The following ELOB variants were observed in gnomAD, a reference collection of about 807,000 sequenced individuals.
The protein encoded by ELOB is elongin-B.
ELOB carries 3 observed loss-of-function variants against 12.9 expected under a neutral mutation model. That is an observed-to-expected ratio of 0.23 (90% CI 0.11 to 0.60). The LOEUF is 0.60. Among genes scored for constraint, ELOB ranks in the 20% least tolerant of loss-of-function variants. The probability of loss-of-function intolerance (pLI) is 0.89; values close to 1 mark genes in which losing one functional copy is unlikely to be tolerated. For missense variants in ELOB, 126 were observed against 159.2 expected (o/e 0.79, Z 1.12); for synonymous variants, 84 against 67.4 (o/e 1.25, Z -1.21).
chr16:2,775,640 A>G lies in ELOB; in HGVS notation c.139-84T>C, dbSNP rs749061901. ...CTGACCAGCAACTACACGGGAAGTC[A>G]GAGGAGGGAAGAGAGAGTTCCCTCA... On this transcript the variant is annotated intron_variant, in intron 2 of 3. Transcript: ENST00000409906. 1.3e-5 allele frequency: 14 copies of G among 1,049,058 alleles called. No individual in the cohort carries two copies. The East Asian group carries it at 3.3e-4, about 24-fold the overall frequency. 65.0% of individuals were successfully genotyped at this position (1,049,058 alleles called of 1,614,324 possible). A position where few individuals can be genotyped will look rare whatever the true frequency, so the allele number is the denominator to read the frequency against.
Position 2,771,837 on chromosome 16 carries a change from G to A in ELOB, c.*153C>T, listed in dbSNP as rs1365100492. The A allele has an allele frequency of 1.4e-6, 2 of 1,453,348 alleles. No homozygotes were observed. The highest frequency in any genetic ancestry group is 1.5e-5 in the South Asian group (1 of 68,264). The allele number at this position is 1,453,348 out of a possible 1,614,324, so 90.0% of individuals were successfully genotyped here. ...TTCTCAGCCAGGGTCTCAGGATCTGGGAGACAGGACAGCACAGGAACTGCC... is the reference window on the plus strand; with the variant it reads ...TTCTCAGCCAGGGTCTCAGGATCTGAGAGACAGGACAGCACAGGAACTGCC... On this transcript the variant is annotated 3_prime_UTR_variant, in exon 4 of 4. Coordinates refer to ENST00000409906, the MANE Select transcript of ELOB (RefSeq NM_007108.4).
At chr16:2,774,927 A>G (rs2068790172) in intron 3 of ELOB, among the ~76,000 whole-genome samples, 1 of 152,134 alleles carries the variant, frequency 6.6e-6, no homozygotes, top group Admixed American at 6.6e-5. Context: ...TGAACCTGAA[A>G]ACTGGCAAAA....
At chr16:2,773,357 C>T (rs544988286) in intron 3 of ELOB, among the ~76,000 whole-genome samples, 5 of 152,142 alleles carry the variant, frequency 3.3e-5, no homozygotes, top group African/African-American at 1.2e-4. Context: ...CCAATGTGCC[C>T]ACTGTGCCGA....
chr16:2,774,244 C>T (rs759858564), intron 3 of ELOB, among the ~76,000 whole-genome samples: 9 of 152,112 alleles, frequency 5.9e-5, no homozygotes, highest in Non-Finnish European at 8.8e-5. Context: ...ACAACAACAA[C>T]AAAAATGCAC....
intron 2 of ELOB, 118 bp downstream of exon 2, chr16:2,776,875 C>T (rs2068804187): frequency 2.2e-6 from 3 of 1,368,602 alleles, no homozygotes; most frequent in Admixed American, 2.5e-5. Context: ...CCCAGTCCCG[C>T]GGCTCGGGCG....
At chr16:2,772,291 ACC>A in intron 3 of ELOB, 189 bp from the exon 4 acceptor site, 1 of 615,732 alleles carries the variant, frequency 1.6e-6, no homozygotes, top group Non-Finnish European at 2.5e-6. Flanking sequence ...AATGTCTCCT[ACC>A]CCTGTGGGCC....
In ELOB at chr16:2,771,913, G is replaced by A; in HGVS notation, c.*77C>T. 5 of 1,533,432 alleles carry A rather than the reference G, an allele frequency of 3.3e-6. No individual in the cohort carries two copies. Among genetic ancestry groups the A allele is most frequent in the Non-Finnish European group, 3.5e-6 (4 of 1,138,922 alleles). The allele number at this position is 1,533,432 out of a possible 1,614,324, so 95.0% of individuals were successfully genotyped here. ...CAGGGAGTGGGACCCATCCCAGGGA[G>A]GGGCGGGAAAAAGAGGCAGCAACCA... On this transcript the variant is annotated 3_prime_UTR_variant, in exon 4 of 4. Transcript: ENST00000409906.
intron 3 of ELOB, chr16:2,772,418 C>T (rs772025262): frequency 5.0e-6 from 1 of 202,000 alleles, no homozygotes; most frequent in Non-Finnish European, 1.0e-5. Flanking sequence ...CACCCTTCAC[C>T]CAGAATATAT....
intron 3 of ELOB, among the ~76,000 whole-genome samples, chr16:2,774,772 G>C (rs952932995): frequency 1.3e-5 from 2 of 151,690 alleles, no homozygotes; most frequent in African/African-American, 4.9e-5. Context: ...AAGATATCTT[G>C]GCGAGTAGTA....
intron 3 of ELOB, chr16:2,772,633 C>G (rs2068769401): frequency 6.6e-6 from 1 of 151,842 alleles, no homozygotes; most frequent in African/African-American, 2.4e-5. Flanking sequence ...TGACGTGAAC[C>G]CGGGAGGCGG....
At chr16:2,775,347 C>T (rs2068792762) in intron 3 of ELOB, 104 bp downstream of exon 3, 4 of 658,554 alleles carry the variant, frequency 6.1e-6, no homozygotes, top group Non-Finnish European at 2.4e-6. Flanking sequence ...GAGGAAGACA[C>T]TGCCCTGAAG....
At position 2,771,898 on chromosome 16, in the gene ELOB, G is replaced by A. The variant is rs1387061867; in HGVS notation, c.*92C>T. The A allele has an allele frequency of 1.3e-6, 2 of 1,512,410 alleles. No homozygotes were observed. The highest frequency in any genetic ancestry group is 1.8e-6 in the Non-Finnish European group (2 of 1,128,032). 93.7% of individuals were successfully genotyped at this position (1,512,410 alleles called of 1,614,324 possible). A position where few individuals can be genotyped will look rare whatever the true frequency, so the allele number is the denominator to read the frequency against. On this transcript the variant is annotated 3_prime_UTR_variant, in exon 4 of 4. Transcript: ENST00000409906. ...CCCAAAAGGAGCCCACAGGGAGTGGGACCCATCCCAGGGAGGGGCGGGAAA... is the reference window on the plus strand; with the variant it reads ...CCCAAAAGGAGCCCACAGGGAGTGGAACCCATCCCAGGGAGGGGCGGGAAA...
rs1055767116 is a variant in ELOB, at chr16:2,771,672, C to T, written c.*318G>A. On this transcript the variant is annotated 3_prime_UTR_variant, in exon 4 of 4. Coordinates refer to ENST00000409906, the MANE Select transcript of ELOB (RefSeq NM_007108.4). Reference sequence around the variant, plus strand: ...TGGAATCTCTTGTCCCTGAGGCTGGCTCTGGTCTTTGTGTCTCTCCCAGTC... The same window carrying T: ...TGGAATCTCTTGTCCCTGAGGCTGGTTCTGGTCTTTGTGTCTCTCCCAGTC... 10 of 1,605,864 alleles carry T rather than the reference C, an allele frequency of 6.2e-6. No homozygotes were observed. The highest frequency in any genetic ancestry group is 2.7e-5 in the African/African-American group (2 of 74,780).
chr16:2,773,081 CCT>C (rs2068776856), intron 3 of ELOB, among the ~76,000 whole-genome samples: 2 of 152,144 alleles, frequency 1.3e-5, no homozygotes. Flanking sequence ...AAAGGCCTTC[CCT>C]GTCTTGTCCC....
chr16:2,774,198 C>G (rs2068785848), intron 3 of ELOB, among the ~76,000 whole-genome samples: 1 of 149,190 alleles, frequency 6.7e-6, no homozygotes, highest in Non-Finnish European at 1.5e-5. Context: ...CCACTGCACT[C>G]CAGCCTAGAC....
rs1298894444 is a variant in ELOB, at chr16:2,771,980, T to C, written c.*10A>G. 5 of 1,544,888 alleles carry C rather than the reference T, an allele frequency of 3.2e-6. 1 individual carries two copies. The South Asian group carries it at 3.4e-5, about 10-fold the overall frequency. On this transcript the variant is annotated 3_prime_UTR_variant, in exon 4 of 4. Transcript: ENST00000409906. Reference sequence around the variant, plus strand: ...TCTTTTATTGGGGGAAATGGGCCTCTTGGGGGTCCTCACTGCACGGCTTGT... The same window carrying C: ...TCTTTTATTGGGGGAAATGGGCCTCCTGGGGGTCCTCACTGCACGGCTTGT...
chr16:2,773,732 T>C (rs1332907154), intron 3 of ELOB, among the ~76,000 whole-genome samples: 3 of 152,056 alleles, frequency 2.0e-5, no homozygotes, highest in Non-Finnish European at 4.4e-5. Flanking sequence ...ATATTAGGGG[T>C]TGTGGGAGAA....
intron 2 of ELOB, 64 bp downstream of exon 2, chr16:2,776,929 G>T (rs1170749970): frequency 1.3e-6 from 2 of 1,512,326 alleles, no homozygotes; most frequent in Non-Finnish European, 1.8e-6. Flanking sequence ...CGCGGACAGC[G>T]TAGGCGTCAG....
intron 3 of ELOB, among the ~76,000 whole-genome samples, chr16:2,774,802 G>C (rs1054797977): frequency 2.2e-5 from 2 of 89,172 alleles, no homozygotes; most frequent in African/African-American, 7.1e-5. Flanking sequence ...CTAATCCCCA[G>C]GTTTCTAAAG....
Sources: allele counts gnomAD v4.1 joint callset (sites outside exome capture counted in the v4.1 genomes callset), GRCh38; gene constraint gnomAD v4.1.1; transcripts MANE v1.5; gene names NCBI Gene and HGNC (gene_info 2026-07-23, HGNC 2026-07-21).